The following LCT variants were observed in gnomAD, a reference collection of about 807,000 sequenced individuals.
LCT encodes the protein lactase, also known as lactase/phlorizin hydrolase.
A neutral mutation model predicts 173.0 loss-of-function variants in LCT; 90 were observed. The ratio of observed to expected loss-of-function variants is 0.52; its 90% CI spans 0.44 to 0.62. The LOEUF (loss-of-function observed/expected upper bound fraction) is 0.62. LCT is among the 20% of genes least tolerant of loss of function. LCT has a pLI of 0.00. For missense variants in LCT, 1,864 were observed against 2,431.4 expected, an observed-to-expected ratio of 0.77 and a Z score of 4.91; for synonymous variants, 853 against 957.6, an observed-to-expected ratio of 0.89 and a Z score of 2.02.
Position 135,821,030 on chromosome 2 carries a change from G to A in LCT, c.986+990C>T, listed in dbSNP as rs536801576. ...CGAGTAGCTGGGAATACAGGCGCCC[G>A]CCACCATGCCCGGCTAATTTTTTTG... is the stretch of plus-strand genomic sequence containing the variant. On this transcript the variant is annotated intron_variant, in intron 5 of 16. Coordinates refer to ENST00000264162, the MANE Select transcript of LCT (RefSeq NM_002299.4). Among the ~76,000 whole-genome samples the A allele has an allele frequency of 6.6e-5, 10 of 152,068 alleles. No individual in the cohort carries two copies. In the South Asian group the frequency reaches 1.2e-3, roughly 19 times the overall value.
chr2:135,810,628 T>A (rs1470993128), intron 7 of LCT, among the ~76,000 whole-genome samples: 1 of 152,302 alleles, frequency 6.6e-6, no homozygotes, highest in Middle Eastern at 3.4e-3. Flanking sequence ...TGCTTTTCCT[T>A]GTTTATGTTT....
intron 7 of LCT, among the ~76,000 whole-genome samples, chr2:135,811,672 G>T (rs2077735048): frequency 6.9e-6 from 1 of 145,608 alleles, no homozygotes; most frequent in African/African-American, 2.6e-5. Context: ...CTCTATTCCA[G>T]TCTATGTGAC....
Position 135,833,176 on chromosome 2 carries a change from C to T in LCT, c.655G>A (p.Val219Ile), listed in dbSNP as rs3754689. The T allele has an allele frequency of 0.18, 290,669 of 1,612,596 alleles. 36,034 individuals are homozygous for T. Among genetic ancestry groups the T allele is most frequent in the African/African-American group, 0.46 (34,330 of 74,794 alleles). The change falls in exon 2 of 17, where the codon GTT (valine) becomes ATT (isoleucine). Residue 219 changes from valine to isoleucine, a missense_variant. By Grantham distance (29) the Val-to-Ile change is conservative (BLOSUM62 3). Coordinates refer to ENST00000264162, the MANE Select transcript of LCT (RefSeq NM_002299.4). Reference sequence around the variant, plus strand: ...GGGATATCTTCAGCTCGCAGGACAACAGAGAGTTTTCCGCCTGAAACCAAC... The same window carrying T: ...GGGATATCTTCAGCTCGCAGGACAATAGAGAGTTTTCCGCCTGAAACCAAC... ...SYAFQGGKLS[V>I]VLRAEDIPEL...
In LCT at chr2:135,817,737, G is replaced by A; in HGVS notation, c.1311C>T (p.Ala437=). 1 of 1,614,060 alleles carries A rather than the reference G, an allele frequency of 6.2e-7. No homozygotes were observed. ...GGCCGCAAAGCAGGGCGACGTCAGA[G>A]GCTACCTTGTGGTAACTGTCGCTGG... ...EVASDSYHKV[A]SDVALLCGLR... Residue 437 remains alanine (A), a synonymous_variant, in exon 6 of 17, where the codon GCC becomes GCT. Transcript: ENST00000264162.
At chr2:135,821,936 G>T in intron 5 of LCT, 84 bp downstream of exon 5, 1 of 864,924 alleles carries the variant, frequency 1.2e-6, no homozygotes, top group Non-Finnish European at 2.0e-6. Flanking sequence ...GATGACAACA[G>T]TCCTATAAGA....
chr2:135,788,139 TG>T lies in LCT; in HGVS notation c.*184del, dbSNP rs1247186582. On this transcript the variant is annotated 3_prime_UTR_variant, in exon 17 of 17. Transcript: ENST00000264162. ...AATGAACTCTGATACTGGAGCAAGA[TG>T]GAGATATTTCCATTTTACTCAGCAA... is the stretch of plus-strand genomic sequence containing the variant. 3 of 645,846 alleles carry T rather than the reference TG, an allele frequency of 4.6e-6. No individual in the cohort carries two copies. The African/African-American group carries it at 5.4e-5, about 12-fold the overall frequency. The allele number at this position is 645,846 out of a possible 1,614,324, so 40.0% of individuals were successfully genotyped here. A position where few individuals can be genotyped will look rare whatever the true frequency, so the allele number is the denominator to read the frequency against.
At chr2:135,829,827 GAAA>G in intron 2 of LCT, 151 bp from the exon 3 acceptor site, 1 of 640,708 alleles carries the variant, frequency 1.6e-6, no homozygotes, top group Middle Eastern at 3.8e-4. Flanking sequence ...GATGGAATGA[GAAA>G]GTGTGTGTGT....
In LCT at chr2:135,794,095, T is replaced by A. The variant is rs192346619; in HGVS notation, c.5111+546A>T. Reference sequence around the variant, plus strand: ...TGGAGGTTGCAGTGAGCCAAGATTGTGCCACTGCACTCCAGCCTGGTGACA... The same window carrying A: ...TGGAGGTTGCAGTGAGCCAAGATTGAGCCACTGCACTCCAGCCTGGTGACA... On this transcript the variant is annotated intron_variant, in intron 14 of 16. Transcript: ENST00000264162. Among the ~76,000 whole-genome samples, 404 of 151,924 alleles carry A rather than the reference T, an allele frequency of 2.7e-3. 1 individual carries two copies. The highest frequency in any genetic ancestry group is 3.9e-3 in the Non-Finnish European group (264 of 67,972).
intron 1 of LCT, among the ~76,000 whole-genome samples, chr2:135,836,065 C>T (rs1453224042): frequency 1.4e-5 from 2 of 145,370 alleles, no homozygotes; most frequent in South Asian, 4.3e-4. Flanking sequence ...GTCGCACAGG[C>T]TGTAGTACAG....
At chr2:135,822,424 C>A (rs2077842049) in intron 4 of LCT, 6 of 324,260 alleles carry the variant, frequency 1.9e-5, no homozygotes, top group South Asian at 1.6e-4. Flanking sequence ...CTAATGAGCT[C>A]CCAGGTGATG....
Position 135,808,487 on chromosome 2 carries a change from T to C in LCT, c.3860A>G (p.Asp1287Gly), listed in dbSNP as rs1260017370. 1.2e-6 allele frequency: 2 copies of C among 1,614,020 alleles called. No individual in the cohort carries two copies. The highest frequency in any genetic ancestry group is 1.7e-6 in the Non-Finnish European group (2 of 1,180,000). Reference sequence around the variant, plus strand: ...GTAGGTTTTGTGGTAAAATATCCTATCAGTATCCTCCGTGTTCGGATTGGT... The same window carrying C: ...GTAGGTTTTGTGGTAAAATATCCTACCAGTATCCTCCGTGTTCGGATTGGT... Reference protein sequence around the residue: ...GLTNPNTEDTDRIFYHKTYIN... With the variant: ...GLTNPNTEDTGRIFYHKTYIN... Residue 1287 changes from aspartate (D) to glycine (G), a missense_variant, in exon 8 of 17, where the codon GAT becomes GGT. Physicochemically the swap from Asp to Gly is moderately conservative, Grantham distance 94. Coordinates refer to ENST00000264162, the MANE Select transcript of LCT (RefSeq NM_002299.4).
chr2:135,805,491 A>G (rs1328818300), intron 9 of LCT, among the ~76,000 whole-genome samples: 1 of 152,058 alleles, frequency 6.6e-6, no homozygotes, highest in Admixed American at 6.5e-5. Context: ...TGCCTTTTCC[A>G]TTTTTCTTGC....
intron 7 of LCT, among the ~76,000 whole-genome samples, chr2:135,812,029 T>A (rs1399128911): frequency 6.6e-6 from 1 of 152,078 alleles, no homozygotes; most frequent in East Asian, 1.9e-4. Flanking sequence ...CAGTGAGCGA[T>A]GTTTATGCCA....
At chr2:135,793,828 G>A (rs1388009241) in intron 14 of LCT, among the ~76,000 whole-genome samples, 1 of 152,152 alleles carries the variant, frequency 6.6e-6, no homozygotes, top group African/African-American at 2.4e-5. Flanking sequence ...CAGCACTTTG[G>A]GAGGCCAAGG....
chr2:135,808,325 T>C (rs1337771384), intron 8 of LCT, 118 bp downstream of exon 8: 2 of 870,852 alleles, frequency 2.3e-6, no homozygotes, highest in Non-Finnish European at 4.0e-6. Flanking sequence ...AATTATGGAG[T>C]TGGGACCTAA....
At chr2:135,789,544 T>C (rs1485091407) in intron 16 of LCT, 27 bp downstream of exon 16, 1 of 1,564,258 alleles carries the variant, frequency 6.4e-7, no homozygotes, top group Admixed American at 1.7e-5. Context: ...CCCTTAGGCT[T>C]TATTCCCTCC....
rs780107261 is a variant in LCT, at chr2:135,794,743, C to T, written c.5009G>A (p.Arg1670Lys). The T allele has an allele frequency of 3.1e-6, 5 of 1,614,176 alleles. No individual in the cohort carries two copies. In the South Asian group the frequency reaches 4.4e-5, roughly 14 times the overall value. The change falls in exon 14 of 17, where the codon AGG becomes AAG. Residue 1670 changes from arginine to lysine, a missense_variant. Around this residue, in one of 4 missense-constraint regions of LCT, gnomAD observed 514 missense variants for 750.1 expected, o/e 0.69. Transcript: ENST00000264162. ...LPEFTESEKR[R>K]INGTYDFFGF... Reference sequence around the variant, plus strand: ...AAAAAAGTCATAGGTGCCGTTGATCCTCCTCTTCTCACTCTCTGTAAATTC... The same window carrying T: ...AAAAAAGTCATAGGTGCCGTTGATCTTCCTCTTCTCACTCTCTGTAAATTC...
chr2:135,826,704 G>T (rs983138909), intron 3 of LCT, among the ~76,000 whole-genome samples: 2 of 152,178 alleles, frequency 1.3e-5, no homozygotes, highest in African/African-American at 4.8e-5. Context: ...TGGCAGCTTT[G>T]TCTGAACCCA....
In LCT at chr2:135,812,948, G is replaced by A. The variant is rs751714607; in HGVS notation, c.1716C>T (p.His572=). ...TTCTGGCATGAGCCTTGAGGACCAA[G>A]TGAGCCACCTTGTGAAAAAGTAAGA... ...DPGVASFKVA[H]LVLKAHARTW... is the part of the protein sequence containing the mutation. The change falls in exon 7 of 17, where the codon CAC becomes CAT. Residue 572 remains histidine, a synonymous_variant. Coordinates refer to ENST00000264162, the MANE Select transcript of LCT (RefSeq NM_002299.4). 2 of 1,614,122 alleles carry A rather than the reference G, an allele frequency of 1.2e-6. No individual in the cohort carries two copies. Among genetic ancestry groups the A allele is most frequent in the Admixed American group, 1.7e-5 (1 of 60,006 alleles).
Sources: gnomAD v4.1 joint callset for allele counts (sites outside exome capture counted in the v4.1 genomes callset) on GRCh38, gnomAD v4.1.1 for gene constraint, gnomAD v4.1.1 regional missense constraint, MANE v1.5 for transcripts, NCBI Gene and HGNC (gene_info 2026-07-23, HGNC 2026-07-21) for gene names.